Variants in B3GALT1 observed in about 807,000 individuals in gnomAD.
The protein encoded by B3GALT1 is beta-1,3-galactosyltransferase 1.
B3GALT1 carries 10 observed loss-of-function variants against 23.2 expected under a neutral mutation model. That is an observed-to-expected ratio of 0.43 (90% CI 0.27 to 0.73). The LOEUF (loss-of-function observed/expected upper bound fraction) is 0.73. Among genes scored for constraint, B3GALT1 ranks in the 30% least tolerant of loss-of-function variants. The pLI, the probability that B3GALT1 is intolerant of heterozygous loss-of-function variation, is 0.21. For synonymous variants in B3GALT1, 156 were observed against 141.5 expected, an observed-to-expected ratio of 1.10 and a Z score of -0.73; for missense variants, 299 against 405.4, an observed-to-expected ratio of 0.74 and a Z score of 2.25.
At chr2:167,566,882 G>T (rs953837974) in intron 2 of B3GALT1, among the ~76,000 whole-genome samples, 2 of 152,110 alleles carry the variant, frequency 1.3e-5, no homozygotes, top group African/African-American at 4.8e-5. Context: ...CCCTTAACAT[G>T]TTCTTCAACA....
At chr2:167,382,091 A>G (rs995710206) in intron 1 of B3GALT1, among the ~76,000 whole-genome samples, 1 of 152,236 alleles carries the variant, frequency 6.6e-6, no homozygotes, top group Non-Finnish European at 1.5e-5. Flanking sequence ...TTAAAACCCA[A>G]TAAATGCAGG....
intron 3 of B3GALT1, among the ~76,000 whole-genome samples, chr2:167,772,127 GT>G (rs35072902): frequency 0.45 from 68,820 of 151,816 alleles, 15,873 homozygotes; most frequent in East Asian, 0.57. Context: ...CATTATGTTG[GT>G]AAACTAAACT....
At chr2:167,835,262 G>GAGTT (rs1689436187) in intron 4 of B3GALT1, among the ~76,000 whole-genome samples, 1 of 152,208 alleles carries the variant, frequency 6.6e-6, no homozygotes, top group African/African-American at 2.4e-5. Flanking sequence ...AGGGGTCAGG[G>GAGTT]AGTTCCCTTT....
At chr2:167,393,766 A>C (rs1476791365) in intron 1 of B3GALT1, among the ~76,000 whole-genome samples, 1 of 152,190 alleles carries the variant, frequency 6.6e-6, no homozygotes, top group Non-Finnish European at 1.5e-5. Flanking sequence ...CTTAATACTT[A>C]TCACACAGGG....
At chr2:167,848,327 G>GCTAGT (rs1689804464) in intron 4 of B3GALT1, among the ~76,000 whole-genome samples, 1 of 152,076 alleles carries the variant, frequency 6.6e-6, no homozygotes, top group African/African-American at 2.4e-5. Flanking sequence ...CATGAACATA[G>GCTAGT]ATTCTAAAAT....
At chr2:167,641,895 G>C (rs1685658513) in intron 2 of B3GALT1, among the ~76,000 whole-genome samples, 1 of 152,140 alleles carries the variant, frequency 6.6e-6, no homozygotes, top group Non-Finnish European at 1.5e-5. Context: ...CTTTTCCTAA[G>C]TTTTAGGCTT....
At chr2:167,864,196 A>G (rs796337271) in intron 4 of B3GALT1, among the ~76,000 whole-genome samples, 14 of 152,296 alleles carry the variant, frequency 9.2e-5, no homozygotes, top group African/African-American at 2.9e-4. Context: ...TTGATATAGC[A>G]CAGTGTGTAG....
intron 3 of B3GALT1, among the ~76,000 whole-genome samples, chr2:167,692,141 A>G (rs1391835779): frequency 1.3e-5 from 2 of 152,120 alleles, no homozygotes; most frequent in African/African-American, 4.8e-5. Context: ...GCACCTTCCA[A>G]CTGCCAGGTA....
At chr2:167,389,674 G>A (rs1697986861) in intron 1 of B3GALT1, among the ~76,000 whole-genome samples, 1 of 152,032 alleles carries the variant, frequency 6.6e-6, no homozygotes. Context: ...TTTGCCAGAG[G>A]ACCCTAGTCA....
rs187593194 is a variant in B3GALT1, at chr2:167,620,986, G to C, written c.-409-25923G>C. Among the ~76,000 whole-genome samples the C allele has an allele frequency of 3.8e-3, 583 of 151,620 alleles. 3 individuals carry two copies. The highest frequency in any genetic ancestry group is 0.014 in the African/African-American group (559 of 41,370). ...TCCCACCACCATCAAGCTGAAGGAT[G>C]CTTTCTTTCATTTTCATAGTAGAGA... On this transcript the variant is annotated intron_variant, in intron 2 of 4. Coordinates refer to ENST00000392690, the MANE Select transcript of B3GALT1 (RefSeq NM_020981.4).
chr2:167,820,087 G>A (rs376440004), intron 4 of B3GALT1, among the ~76,000 whole-genome samples: 5 of 152,226 alleles, frequency 3.3e-5, no homozygotes, highest in African/African-American at 1.2e-4. Flanking sequence ...CAAATATACT[G>A]AGTATTTTAA....
intron 2 of B3GALT1, among the ~76,000 whole-genome samples, chr2:167,508,182 A>G (rs1220784470): frequency 6.6e-6 from 1 of 152,196 alleles, no homozygotes; most frequent in Admixed American, 6.5e-5. Context: ...TTAGGCGGAC[A>G]TAATACATTC....
chr2:167,564,923 C>T (rs970590767), intron 2 of B3GALT1, among the ~76,000 whole-genome samples: 2 of 152,142 alleles, frequency 1.3e-5, no homozygotes, highest in African/African-American at 2.4e-5. Flanking sequence ...TGAAAATGGC[C>T]ATACTGCCCA....
chr2:167,850,501 C>A (rs1689858803), intron 4 of B3GALT1, among the ~76,000 whole-genome samples: 1 of 152,156 alleles, frequency 6.6e-6, no homozygotes, highest in Non-Finnish European at 1.5e-5. Context: ...CCTTGAAGAA[C>A]TAAAAGTAGA....
At chr2:167,516,396 T>C (rs1440924191) in intron 2 of B3GALT1, among the ~76,000 whole-genome samples, 1 of 152,090 alleles carries the variant, frequency 6.6e-6, no homozygotes, top group Non-Finnish European at 1.5e-5. Context: ...TTAAGTTTTT[T>C]ATTTCTTCTA....
intron 2 of B3GALT1, among the ~76,000 whole-genome samples, chr2:167,621,155 T>C (rs961159360): frequency 1.4e-5 from 2 of 145,690 alleles, no homozygotes; most frequent in Non-Finnish European, 3.0e-5. Context: ...GTGGCACAAT[T>C]ATGGCTCACT....
intron 4 of B3GALT1, among the ~76,000 whole-genome samples, chr2:167,824,537 G>A (rs529362548): frequency 6.5e-4 from 99 of 152,316 alleles, no homozygotes; most frequent in African/African-American, 2.1e-3. Context: ...AGGTGAAACC[G>A]GGACTTGACT....
chr2:167,764,635 T>TA (rs1165399380), intron 3 of B3GALT1, among the ~76,000 whole-genome samples: 2 of 152,206 alleles, frequency 1.3e-5, no homozygotes, highest in African/African-American at 2.4e-5. Context: ...TATTTCTAGA[T>TA]AAATGCACTT....
At chr2:167,715,838 T>A in intron 3 of B3GALT1, 1 of 1,613,940 alleles carries the variant, frequency 6.2e-7, no homozygotes, top group Non-Finnish European at 8.5e-7. Flanking sequence ...ACCAAGTTTT[T>A]TTCTCTCTTC....
Sources: allele counts gnomAD v4.1 joint callset (sites outside exome capture counted in the v4.1 genomes callset), GRCh38; gene constraint gnomAD v4.1.1; transcripts MANE v1.5; gene names NCBI Gene and HGNC (gene_info 2026-07-23, HGNC 2026-07-21).